Variants in CSNK1G3 observed in about 807,000 individuals in gnomAD.
CSNK1G3 encodes casein kinase 1 gamma 3, also known as casein kinase I isoform gamma-3.
In CSNK1G3, 23 loss-of-function variants were observed where a neutral mutation model predicts 64.3. The observed-to-expected ratio is 0.36, with a 90% CI of 0.26 to 0.51. The LOEUF (loss-of-function observed/expected upper bound fraction) is 0.51, where lower values mean the gene tolerates loss of function less well. Among genes scored for constraint, CSNK1G3 ranks in the 20% least tolerant of loss-of-function variants. CSNK1G3 has a pLI of 0.96. For synonymous variants in CSNK1G3, 158 were observed against 162.2 expected, an observed-to-expected ratio of 0.97 and a Z score of 0.20; for missense variants, 357 against 510.5, an observed-to-expected ratio of 0.70 and a Z score of 2.90.
At chr5:123,541,263 A>G (rs1013023070) in intron 1 of CSNK1G3, among the ~76,000 whole-genome samples, 14 of 152,072 alleles carry the variant, frequency 9.2e-5, no homozygotes, top group African/African-American at 2.4e-4. Context: ...TTGAATTGAT[A>G]TTTTTATCAT....
chr5:123,540,636 A>C (rs1781530167), intron 1 of CSNK1G3, among the ~76,000 whole-genome samples: 1 of 151,544 alleles, frequency 6.6e-6, no homozygotes, highest in Non-Finnish European at 1.5e-5. Context: ...TAATTTAATT[A>C]TTTTTTATTT....
At chr5:123,563,161 A>T (rs1786118966) in intron 4 of CSNK1G3, among the ~76,000 whole-genome samples, 1 of 152,054 alleles carries the variant, frequency 6.6e-6, no homozygotes, top group Non-Finnish European at 1.5e-5. Context: ...TACTTATCAG[A>T]GGAAGTAAAT....
intron 4 of CSNK1G3, among the ~76,000 whole-genome samples, chr5:123,560,110 A>G (rs944921057): frequency 2.0e-5 from 3 of 152,190 alleles, no homozygotes; most frequent in African/African-American, 7.2e-5. Context: ...GCTGATGAAA[A>G]ACATAAAAAA....
At chr5:123,535,907 T>C (rs1410791105) in intron 1 of CSNK1G3, among the ~76,000 whole-genome samples, 14 of 152,150 alleles carry the variant, frequency 9.2e-5, no homozygotes, top group Admixed American at 9.2e-4. Flanking sequence ...GATCCTCTTT[T>C]GAGGAAGGGA....
chr5:123,581,721 C>A (rs1404687624), intron 6 of CSNK1G3, among the ~76,000 whole-genome samples: 1 of 148,986 alleles, frequency 6.7e-6, no homozygotes. Flanking sequence ...AAAAAAAAAT[C>A]CTTGTTATAT....
At chr5:123,549,690 A>C (rs992000725) in intron 2 of CSNK1G3, among the ~76,000 whole-genome samples, 5 of 152,108 alleles carry the variant, frequency 3.3e-5, no homozygotes, top group Non-Finnish European at 7.4e-5. Context: ...ACCAAAACCT[A>C]GTGTTTCCCC....
chr5:123,578,554 C>T (rs1789614735), intron 6 of CSNK1G3, among the ~76,000 whole-genome samples: 2 of 151,700 alleles, frequency 1.3e-5, no homozygotes. Context: ...TCAGTCTTTG[C>T]TTGCCTATTC....
At chr5:123,616,395 C>A (rs1749454750) in exon 13 of CSNK1G3, 2 of 152,434 alleles carry the variant, frequency 1.3e-5, no homozygotes, top group African/African-American at 4.8e-5. Context: ...TTGGATTGTA[C>A]AGTGTTTATA....
At chr5:123,529,246 T>TA (rs1367891243) in intron 1 of CSNK1G3, among the ~76,000 whole-genome samples, 1 of 152,136 alleles carries the variant, frequency 6.6e-6, no homozygotes, top group Non-Finnish European at 1.5e-5. Context: ...AAAACAAAGT[T>TA]ACGTATTGAT....
intron 2 of CSNK1G3, among the ~76,000 whole-genome samples, chr5:123,551,772 C>T (rs1411975533): frequency 6.6e-5 from 10 of 151,782 alleles, no homozygotes; most frequent in African/African-American, 2.4e-4. Flanking sequence ...GTGACCAGGG[C>T]CAGTTACTCT....
At chr5:123,548,567 G>T (rs1488815932) in intron 2 of CSNK1G3, among the ~76,000 whole-genome samples, 2 of 151,466 alleles carry the variant, frequency 1.3e-5, no homozygotes, top group African/African-American at 4.9e-5. Flanking sequence ...AAATACGTGT[G>T]TTTATCATTT....
In CSNK1G3 at chr5:123,557,491, T is replaced by C; in HGVS notation, c.220-4T>C. 6.2e-7 allele frequency: 1 copy of C among 1,604,546 alleles called. No individual in the cohort carries two copies. The highest frequency in any genetic ancestry group is 8.5e-7 in the Non-Finnish European group (1 of 1,174,954). On this transcript the variant is annotated splice_region_variant and splice_polypyrimidine_tract_variant and intron_variant, in intron 3 of 12. Coordinates refer to ENST00000345990, the Ensembl canonical transcript of CSNK1G3. Reference sequence around the variant, plus strand: ...ATGTCTTTTTTTGTTTGTTTTTCAATTAGGAGCCCATGAAATCAAGAGCAC... The same window carrying C: ...ATGTCTTTTTTTGTTTGTTTTTCAACTAGGAGCCCATGAAATCAAGAGCAC...
chr5:123,525,133 G>C (rs543443925), intron 1 of CSNK1G3, among the ~76,000 whole-genome samples: 1 of 151,930 alleles, frequency 6.6e-6, no homozygotes. Flanking sequence ...TGTCAGACAG[G>C]TTGTCTTGTT....
chr5:123,522,151 G>A (rs759029253), intron 1 of CSNK1G3, among the ~76,000 whole-genome samples: 1 of 152,126 alleles, frequency 6.6e-6, no homozygotes, highest in African/African-American at 2.4e-5. Flanking sequence ...TCAAGTTAAA[G>A]TAGTGGCTTC....
chr5:123,573,314 T>G, intron 4 of CSNK1G3, 79 bp from the exon 5 acceptor site: 1 of 1,456,110 alleles, frequency 6.9e-7, no homozygotes, highest in African/African-American at 1.4e-5. Context: ...ACTATAAAAT[T>G]TTAAATATCA....
chr5:123,595,217 A>C, intron 10 of CSNK1G3, 83 bp downstream of exon 11: 2 of 1,240,166 alleles, frequency 1.6e-6, no homozygotes, highest in Non-Finnish European at 2.3e-6. Flanking sequence ...GCATGATTTC[A>C]TATCTTAATG....
intron 1 of CSNK1G3, among the ~76,000 whole-genome samples, chr5:123,533,077 A>G (rs1471885384): frequency 6.6e-6 from 1 of 151,888 alleles, no homozygotes; most frequent in Admixed American, 6.6e-5. Flanking sequence ...ATTTTTGGGT[A>G]GTTATTAAGT....
intron 4 of CSNK1G3, among the ~76,000 whole-genome samples, chr5:123,568,934 G>A (rs946174229): frequency 6.6e-6 from 1 of 152,132 alleles, no homozygotes; most frequent in African/African-American, 2.4e-5. Flanking sequence ...TACATAAAAA[G>A]AGAAACATGC....
chr5:123,582,203 A>G (rs906270273), intron 6 of CSNK1G3, among the ~76,000 whole-genome samples: 1 of 152,140 alleles, frequency 6.6e-6, no homozygotes, highest in African/African-American at 2.4e-5. Flanking sequence ...TTAAAGAAAA[A>G]TAAATAATGT....
Sources: gnomAD v4.1 joint callset for allele counts (sites outside exome capture counted in the v4.1 genomes callset) on GRCh38, gnomAD v4.1.1 for gene constraint, MANE v1.5 for transcripts, NCBI Gene and HGNC (gene_info 2026-07-23, HGNC 2026-07-21) for gene names.